GRM1: variants seen among roughly 807,000 people sequenced by gnomAD.
The protein encoded by GRM1 is glutamate metabotropic receptor 1, also known as metabotropic glutamate receptor 1.
In GRM1, 33 loss-of-function variants were observed where a neutral mutation model predicts 90.9. That is an observed-to-expected ratio of 0.36 (90% CI 0.28 to 0.49). The LOEUF is 0.49. Among genes scored for constraint, GRM1 ranks in the 20% least tolerant of loss-of-function variants. GRM1 has a pLI of 0.99. For missense variants in GRM1, 1,190 were observed against 1,534.3 expected, an observed-to-expected ratio of 0.78 and a Z score of 3.75; for synonymous variants, 700 against 613.2, an observed-to-expected ratio of 1.14 and a Z score of -2.09.
intron 1 of GRM1, among the ~76,000 whole-genome samples, chr6:146,137,663 A>G (rs957740196): frequency 6.6e-6 from 1 of 152,176 alleles, no homozygotes; most frequent in African/African-American, 2.4e-5. Context: ...TTCCATAAAC[A>G]TTAGGATTGT....
At chr6:146,423,466 T>A (rs58418817) in intron 7 of GRM1, among the ~76,000 whole-genome samples, 4,005 of 36,734 alleles carry the variant, frequency 0.11, 184 homozygotes, top group African/African-American at 0.3. Context: ...AGATGCTCTA[T>A]TTTTTTTTTT....
chr6:146,105,287 A>G (rs1174868373), intron 1 of GRM1, among the ~76,000 whole-genome samples: 3 of 152,222 alleles, frequency 2.0e-5, no homozygotes, highest in African/African-American at 4.8e-5. Flanking sequence ...TTGATGGGAA[A>G]TAGAAAAAGA....
intron 2 of GRM1, among the ~76,000 whole-genome samples, chr6:146,285,420 A>G (rs1473819842): frequency 6.6e-6 from 1 of 152,148 alleles, no homozygotes; most frequent in Non-Finnish European, 1.5e-5. Flanking sequence ...AAACACCGTA[A>G]CCTGTAGTCT....
intron 3 of GRM1, among the ~76,000 whole-genome samples, chr6:146,323,299 A>T (rs538016999): frequency 2.0e-5 from 3 of 152,130 alleles, no homozygotes; most frequent in African/African-American, 7.2e-5. Context: ...GTGTGAAATG[A>T]TATCTCATTG....
chr6:146,093,748 C>T (rs1432972312), intron 1 of GRM1, among the ~76,000 whole-genome samples: 1 of 151,972 alleles, frequency 6.6e-6, no homozygotes, highest in Non-Finnish European at 1.5e-5. Flanking sequence ...CATTAAGGTG[C>T]TCAATAAAGG....
At chr6:146,139,894 T>G (rs1213315037) in intron 1 of GRM1, among the ~76,000 whole-genome samples, 23 of 112,092 alleles carry the variant, frequency 2.1e-4, no homozygotes, top group African/African-American at 7.6e-4. Flanking sequence ...TCCCTTCCCT[T>G]CCCTTCCCTT....
chr6:146,136,716 A>G (rs1285407209), intron 1 of GRM1, among the ~76,000 whole-genome samples: 1 of 152,148 alleles, frequency 6.6e-6, no homozygotes, highest in Non-Finnish European at 1.5e-5. Context: ...GAGCTGATAA[A>G]GAAATTCAGT....
chr6:146,084,459 A>C (rs1167038599), intron 1 of GRM1, among the ~76,000 whole-genome samples: 1 of 152,138 alleles, frequency 6.6e-6, no homozygotes. Context: ...TTGGTTTCAA[A>C]GAACTTCTTG....
intron 3 of GRM1, among the ~76,000 whole-genome samples, chr6:146,308,021 A>C (rs1485428018): frequency 1.3e-5 from 2 of 152,234 alleles, no homozygotes; most frequent in African/African-American, 2.4e-5. Context: ...CTAAAAAATT[A>C]ATCATTGTAG....
At chr6:146,213,937 G>A (rs1415566751) in intron 2 of GRM1, among the ~76,000 whole-genome samples, 5 of 152,096 alleles carry the variant, frequency 3.3e-5, no homozygotes, top group Non-Finnish European at 1.5e-5. Context: ...GGGGGCCATT[G>A]GTGTAAGTCC....
intron 2 of GRM1, among the ~76,000 whole-genome samples, chr6:146,187,674 T>G (rs1025113340): frequency 6.6e-6 from 1 of 151,830 alleles, no homozygotes; most frequent in Non-Finnish European, 1.5e-5. Context: ...TTAATTTAAT[T>G]GAAATATAAT....
chr6:146,319,435 T>A (rs963496173), intron 3 of GRM1, among the ~76,000 whole-genome samples: 9 of 152,196 alleles, frequency 5.9e-5, no homozygotes, highest in Non-Finnish European at 1.3e-4. Flanking sequence ...TGGTTAGGAT[T>A]GTCTTGGCTA....
At chr6:146,280,999 A>C (rs1240228401) in intron 2 of GRM1, among the ~76,000 whole-genome samples, 1 of 152,122 alleles carries the variant, frequency 6.6e-6, no homozygotes, top group Non-Finnish European at 1.5e-5. Context: ...TTGGAAGACA[A>C]CTTTATACTA....
chr6:146,139,124 A>G (rs1421571981), intron 1 of GRM1, among the ~76,000 whole-genome samples: 1 of 151,922 alleles, frequency 6.6e-6, no homozygotes, highest in African/African-American at 2.4e-5. Context: ...TCCATTTTAT[A>G]TAGTTTTCAA....
At chr6:146,404,502 G>A (rs552020109) in intron 7 of GRM1, among the ~76,000 whole-genome samples, 60 of 152,288 alleles carry the variant, frequency 3.9e-4, no homozygotes, top group African/African-American at 1.4e-3. Context: ...AGTAGTATCT[G>A]TAGAAGGATT....
chr6:146,120,144 A>G (rs1430719869), intron 1 of GRM1, among the ~76,000 whole-genome samples: 1 of 152,180 alleles, frequency 6.6e-6, no homozygotes, highest in East Asian at 1.9e-4. Flanking sequence ...TTCTACTTGA[A>G]GAGGCCTTTC....
chr6:146,107,488 C>A (rs1775356804), intron 1 of GRM1, among the ~76,000 whole-genome samples: 1 of 152,032 alleles, frequency 6.6e-6, no homozygotes, highest in Non-Finnish European at 1.5e-5. Flanking sequence ...TGCAGCTTTG[C>A]CTATTACTGG....
chr6:146,110,540 C>A (rs1003536246), intron 1 of GRM1, among the ~76,000 whole-genome samples: 1 of 152,102 alleles, frequency 6.6e-6, no homozygotes, highest in Non-Finnish European at 1.5e-5. Flanking sequence ...ACTAATACAC[C>A]CTACTATCCC....
intron 1 of GRM1, among the ~76,000 whole-genome samples, chr6:146,127,826 G>C (rs1351866711): frequency 3.3e-5 from 5 of 152,128 alleles, no homozygotes; most frequent in Admixed American, 3.3e-4. Flanking sequence ...CCCAAATTTA[G>C]TGGTTTAAAT....
Sources: allele counts gnomAD v4.1 joint callset (sites outside exome capture counted in the v4.1 genomes callset), GRCh38; gene constraint gnomAD v4.1.1; transcripts MANE v1.5; gene names NCBI Gene and HGNC (gene_info 2026-07-23, HGNC 2026-07-21).